RELN: variants seen among roughly 807,000 people sequenced by gnomAD.
RELN encodes reelin.
RELN carries 108 observed loss-of-function variants against 427.6 expected under a neutral mutation model. That is an observed-to-expected ratio of 0.25 (90% confidence interval 0.22 to 0.30). RELN has a LOEUF of 0.30. RELN is among the 10% of genes least tolerant of loss of function. RELN has a pLI of 1.00. For synonymous variants in RELN, 1,524 were observed against 1,513.4 expected, an observed-to-expected ratio of 1.01 and a Z score of -0.16; for missense variants, 3,715 against 4,302.8, an observed-to-expected ratio of 0.86 and a Z score of 3.82.
At chr7:103,837,836 T>C (rs902529880) in intron 2 of RELN, among the ~76,000 whole-genome samples, 58 of 152,140 alleles carry the variant, frequency 3.8e-4, no homozygotes, top group Admixed American at 1.3e-4. Flanking sequence ...ATATCCCAAG[T>C]GCCTGCCACA....
intron 3 of RELN, among the ~76,000 whole-genome samples, chr7:103,778,535 C>A (rs976748959): frequency 1.3e-5 from 2 of 152,144 alleles, no homozygotes; most frequent in Non-Finnish European, 2.9e-5. Flanking sequence ...TGAACACGAT[C>A]AGCCAAATTA....
intron 11 of RELN, among the ~76,000 whole-genome samples, chr7:103,668,761 A>C (rs772175231): frequency 2.0e-5 from 3 of 152,202 alleles, no homozygotes; most frequent in Admixed American, 6.5e-5. Flanking sequence ...CGCATACATG[A>C]AAATTTCACA....
At chr7:103,927,009 A>C (rs917671942) in intron 1 of RELN, among the ~76,000 whole-genome samples, 1 of 152,220 alleles carries the variant, frequency 6.6e-6, no homozygotes, top group South Asian at 2.1e-4. Context: ...TCATTTCAAT[A>C]TACTAAAACT....
At chr7:103,789,441 A>G (rs184886595) in intron 3 of RELN, among the ~76,000 whole-genome samples, 1 of 152,260 alleles carries the variant, frequency 6.6e-6, no homozygotes, top group African/African-American at 2.4e-5. Context: ...AATCTATCCA[A>G]CTGACAAAGG....
At chr7:103,776,748 G>A (rs1014905302) in intron 3 of RELN, 121 bp from the exon 4 acceptor site, 5 of 962,466 alleles carry the variant, frequency 5.2e-6, no homozygotes, top group Non-Finnish European at 8.1e-6. Context: ...TATTTTTAAT[G>A]AGTACATCAG....
intron 2 of RELN, among the ~76,000 whole-genome samples, chr7:103,903,549 C>T (rs974934731): frequency 1.3e-5 from 2 of 152,028 alleles, no homozygotes; most frequent in Non-Finnish European, 2.9e-5. Context: ...ATTTTTAACA[C>T]GAACAGGCAA....
chr7:103,870,494 G>A (rs756745481), intron 2 of RELN, among the ~76,000 whole-genome samples: 5 of 152,086 alleles, frequency 3.3e-5, no homozygotes, highest in Admixed American at 6.6e-5. Context: ...TCCCTCTAAC[G>A]TGGCAAGATT....
Position 103,636,225 on chromosome 7 carries a change from C to A in RELN, c.2303+10G>T, listed in dbSNP as rs771875822. On this transcript the variant is annotated intron_variant, in intron 18 of 64. Transcript: ENST00000428762. ...GGTTTTTGTATGTATTCTACCCTGC[C>A]TTCACTCACCTGGATTGTGAGCTGT... is the stretch of plus-strand genomic sequence containing the variant. 6 of 1,579,728 alleles carry A rather than the reference C, an allele frequency of 3.8e-6. No homozygotes were observed. The African/African-American group carries it at 8.1e-5, about 21-fold the overall frequency.
rs763188823 is a variant in RELN, at chr7:103,498,229, G to A, written c.8691C>T (p.Asp2897=). ...TLKTFLKERF[D]SEEIKPDLWM... ...ATAAGTCAGGTTTGATTTCTTCACT[G>A]TCAAAGCGTTCCTTCAGGAAAGTCT... The change falls in exon 54 of 65, where the codon GAC becomes GAT. Residue 2897 remains aspartate, a synonymous_variant. Transcript: ENST00000428762. 3.1e-6 allele frequency: 5 copies of A among 1,613,862 alleles called. No homozygotes were observed. The highest frequency in any genetic ancestry group is 4.2e-6 in the Non-Finnish European group (5 of 1,179,920).
intron 6 of RELN, among the ~76,000 whole-genome samples, chr7:103,733,489 A>T (rs1228393486): frequency 7.3e-6 from 1 of 136,254 alleles, no homozygotes; most frequent in Non-Finnish European, 1.6e-5. Flanking sequence ...ACACATGCAC[A>T]TGTATGTTTA....
At chr7:103,500,597 T>TAAGAC in intron 53 of RELN, 148 bp downstream of exon 53, 1 of 714,278 alleles carries the variant, frequency 1.4e-6, no homozygotes, top group Non-Finnish European at 2.4e-6. Context: ...TTAGGAAACA[T>TAAGAC]AAGACATTTT....
At chr7:103,844,939 C>T (rs1436151114) in intron 2 of RELN, among the ~76,000 whole-genome samples, 1 of 152,056 alleles carries the variant, frequency 6.6e-6, no homozygotes. Context: ...AGCATGAAAC[C>T]CCAGCCAAAG....
At chr7:103,791,670 T>C (rs1457485647) in intron 3 of RELN, among the ~76,000 whole-genome samples, 2 of 152,106 alleles carry the variant, frequency 1.3e-5, no homozygotes, top group Non-Finnish European at 2.9e-5. Flanking sequence ...GACTTGATAC[T>C]TGGCAGCAGT....
chr7:103,716,082 C>T (rs920057960), intron 8 of RELN, among the ~76,000 whole-genome samples: 1 of 152,192 alleles, frequency 6.6e-6, no homozygotes, highest in Non-Finnish European at 1.5e-5. Flanking sequence ...CAGTTCTTAG[C>T]AGGGCTCCTG....
chr7:103,856,592 AG>A (rs1237367412), intron 2 of RELN, among the ~76,000 whole-genome samples: 1,359 of 123,070 alleles, frequency 0.011, 13 homozygotes, highest in African/African-American at 0.021. Flanking sequence ...AAAAAAAGAA[AG>A]AAAGAAAGAA....
chr7:103,732,521 T>C (rs1188522980), intron 6 of RELN, among the ~76,000 whole-genome samples: 5 of 152,098 alleles, frequency 3.3e-5, no homozygotes, highest in Admixed American at 1.3e-4. Context: ...CATAATTTCA[T>C]GATGAACACA....
chr7:103,844,752 A>G (rs1005548971), intron 2 of RELN, among the ~76,000 whole-genome samples: 1 of 152,256 alleles, frequency 6.6e-6, no homozygotes, highest in African/African-American at 2.4e-5. Flanking sequence ...AAGTAAAACA[A>G]TTCATATTGT....
At chr7:103,791,775 A>G (rs894930982) in intron 3 of RELN, among the ~76,000 whole-genome samples, 3 of 72,112 alleles carry the variant, frequency 4.2e-5, no homozygotes, top group Admixed American at 2.8e-4. Flanking sequence ...ACCATTTAAA[A>G]AGTTTTTAAA....
At chr7:103,646,586 C>A (rs543874652) in intron 16 of RELN, among the ~76,000 whole-genome samples, 1 of 151,682 alleles carries the variant, frequency 6.6e-6, no homozygotes, top group South Asian at 2.1e-4. Flanking sequence ...AATAGAAATC[C>A]GGAAAAGAAA....
Sources: gnomAD v4.1 joint callset for allele counts (sites outside exome capture counted in the v4.1 genomes callset) on GRCh38, gnomAD v4.1.1 for gene constraint, MANE v1.5 for transcripts, NCBI Gene and HGNC (gene_info 2026-07-23, HGNC 2026-07-21) for gene names.